Variants in ZNF292 observed in about 807,000 individuals in gnomAD.
ZNF292 encodes zinc finger protein 292, also known as 16 zinc-finger domain protein.
ZNF292 carries 26 observed loss-of-function variants against 217.9 expected under a neutral mutation model. The ratio of observed to expected loss-of-function variants is 0.12; its 90% CI spans 0.09 to 0.17. ZNF292 has a LOEUF of 0.17. Ranked by LOEUF, ZNF292 falls within the 10% of genes least tolerant of loss-of-function variation. The pLI is 1.00. For synonymous variants in ZNF292, 1,257 were observed against 1,124.1 expected (o/e 1.12, Z -2.37); for missense variants, 2,904 against 3,175.2 (o/e 0.91, Z 2.05).
At chr6:87,215,294 TAAAA>T (rs146379041) in intron 1 of ZNF292, among the ~76,000 whole-genome samples, 1 of 152,086 alleles carries the variant, frequency 6.6e-6, no homozygotes, top group African/African-American at 2.4e-5. Context: ...TATTTTTAAT[TAAAA>T]AAACACTATT....
At chr6:87,250,955 T>C (rs1774889285) in intron 7 of ZNF292, among the ~76,000 whole-genome samples, 1 of 152,206 alleles carries the variant, frequency 6.6e-6, no homozygotes, top group Non-Finnish European at 1.5e-5. Context: ...GAGGGTACAT[T>C]GCTTAGTGCA....
At position 87,265,488 on chromosome 6, in the gene ZNF292, G is replaced by A. The variant is rs576402259; in HGVS notation, c.*3687G>A. Among the ~76,000 whole-genome samples the A allele has an allele frequency of 3.3e-5, 5 of 152,084 alleles. No individual in the cohort carries two copies. Among genetic ancestry groups the A allele is most frequent in the Middle Eastern group, 6.8e-3 (2 of 294 alleles). On this transcript the variant is annotated 3_prime_UTR_variant, in exon 8 of 8. Transcript: ENST00000369577. The stretch of plus-strand genomic sequence containing the variant: ...ACCCACCTCCACCTCCCAAAGTGCA[G>A]GTATTACAAGCATGAGCCACCACAC...
chr6:87,217,061 G>GT (rs1772823287), intron 3 of ZNF292, among the ~76,000 whole-genome samples: 2 of 152,086 alleles, frequency 1.3e-5, no homozygotes, highest in East Asian at 3.9e-4. Context: ...TAATTGGTTA[G>GT]TTAAAAAGAA....
At chr6:87,207,239 A>G (rs1004169202) in intron 1 of ZNF292, among the ~76,000 whole-genome samples, 41 of 152,360 alleles carry the variant, frequency 2.7e-4, no homozygotes, top group African/African-American at 9.9e-4. Context: ...TGTCAGAACA[A>G]ATGTGTATAT....
In ZNF292 at chr6:87,255,499, A is replaced by G; in HGVS notation, c.1870A>G (p.Thr624Ala). 6.2e-7 allele frequency: 1 copy of G among 1,613,468 alleles called. No homozygotes were observed. The highest frequency in any genetic ancestry group is 8.5e-7 in the Non-Finnish European group (1 of 1,179,706). Residue 624 changes from threonine (T) to alanine (A), a missense_variant, in exon 8 of 8, where the codon ACT becomes GCT. Physicochemically the swap from Thr to Ala is moderately conservative, Grantham distance 58 (BLOSUM62 0). Transcript: ENST00000369577. Reference protein sequence around the residue: ...KITTTNENQKTNTVAKQEQRP... With the variant: ...KITTTNENQKANTVAKQEQRP... ...CACAACTACCAATGAAAATCAGAAG[A>G]CTAATACTGTGGCTAAACAGGAGCA...
chr6:87,187,484 C>T (rs567745890), intron 1 of ZNF292, among the ~76,000 whole-genome samples: 43 of 151,976 alleles, frequency 2.8e-4, no homozygotes, highest in South Asian at 2.1e-3. Context: ...TTTGGGAGGC[C>T]GAGGTGGGCG....
chr6:87,236,602 TA>T (rs1773916266), intron 5 of ZNF292, among the ~76,000 whole-genome samples: 1 of 152,152 alleles, frequency 6.6e-6, no homozygotes, highest in Non-Finnish European at 1.5e-5. Context: ...TATAGAAGTT[TA>T]AAAACTAAAA....
At chr6:87,208,974 T>A (rs1772361612) in intron 1 of ZNF292, among the ~76,000 whole-genome samples, 1 of 152,192 alleles carries the variant, frequency 6.6e-6, no homozygotes, top group Non-Finnish European at 1.5e-5. Context: ...CTTTTTAAAC[T>A]TCTTTACTGA....
At chr6:87,181,207 C>A (rs1364911642) in intron 1 of ZNF292, among the ~76,000 whole-genome samples, 1 of 152,066 alleles carries the variant, frequency 6.6e-6, no homozygotes, top group Non-Finnish European at 1.5e-5. Flanking sequence ...CCTAGCGTCC[C>A]GGATCACACG....
intron 1 of ZNF292, among the ~76,000 whole-genome samples, chr6:87,164,495 C>T (rs745724724): frequency 3.9e-5 from 6 of 152,158 alleles, no homozygotes; most frequent in Non-Finnish European, 8.8e-5. Flanking sequence ...CTTTAGGGAC[C>T]ATTTCTATAA....
intron 1 of ZNF292, among the ~76,000 whole-genome samples, chr6:87,158,530 C>T (rs759693234): frequency 6.6e-6 from 1 of 152,076 alleles, no homozygotes; most frequent in Non-Finnish European, 1.5e-5. Flanking sequence ...AAAAATTAGC[C>T]AGGCGCTGTG....
In ZNF292 at chr6:87,260,685, A is replaced by G; in HGVS notation, c.7056A>G (p.Glu2352=). Residue 2352 remains glutamate, a synonymous_variant, in exon 8 of 8, where the codon GAA becomes GAG. Transcript: ENST00000369577. ...AGAATGCAAAGATTGTGCAGATTGA[A>G]GAAAATAAGCCTTATTCTCTGAAAC... ...ENKNAKIVQI[E]ENKPYSLKRG... 6.2e-7 allele frequency: 1 copy of G among 1,612,790 alleles called. No homozygotes were observed. The highest frequency in any genetic ancestry group is 2.2e-5 in the East Asian group (1 of 44,880).
intron 7 of ZNF292, among the ~76,000 whole-genome samples, chr6:87,248,461 A>T (rs1345862937): frequency 1.3e-5 from 2 of 152,160 alleles, no homozygotes; most frequent in Admixed American, 6.6e-5. Flanking sequence ...AAAATAAAGT[A>T]GCTGGGCATG....
chr6:87,176,503 C>A (rs970950541), intron 1 of ZNF292, among the ~76,000 whole-genome samples: 3 of 152,166 alleles, frequency 2.0e-5, no homozygotes, highest in Non-Finnish European at 2.9e-5. Context: ...TGTTTTATGG[C>A]CTGTTTCAGG....
In ZNF292 at chr6:87,249,232, T is replaced by C. The variant is rs140638884; in HGVS notation, c.1020+3588T>C. 1,446 of 169,780 alleles carry C rather than the reference T, an allele frequency of 8.5e-3. 18 individuals carry two copies. Among genetic ancestry groups the C allele is most frequent in the African/African-American group, 0.032 (1,359 of 41,868 alleles). The allele number at this position is 169,780 out of a possible 1,614,324, so 10.5% of individuals were successfully genotyped here. On this transcript the variant is annotated intron_variant, in intron 7 of 7. Transcript: ENST00000369577. ...GCTTCAACTTCCCAGGCTTGAGCAA[T>C]GCTGTCACCTCAGCCCCCTAAGTAG...
intron 1 of ZNF292, among the ~76,000 whole-genome samples, chr6:87,209,096 C>G (rs923144734): frequency 5.0e-5 from 5 of 100,824 alleles, no homozygotes; most frequent in African/African-American, 2.7e-4. Flanking sequence ...ATTTTTAGCC[C>G]CACTTTCACC....
intron 1 of ZNF292, among the ~76,000 whole-genome samples, 158 bp downstream of exon 1, chr6:87,155,917 C>T (rs963239910): frequency 6.6e-6 from 1 of 152,234 alleles, no homozygotes; most frequent in Non-Finnish European, 1.5e-5. Context: ...CTTTGTGTGG[C>T]TGCAGTTGTG....
intron 5 of ZNF292, among the ~76,000 whole-genome samples, chr6:87,234,941 T>C (rs1185108009): frequency 2.0e-5 from 3 of 151,976 alleles, no homozygotes; most frequent in Admixed American, 6.6e-5. Context: ...AATAAACCTG[T>C]TGGGTTTCTT....
intron 1 of ZNF292, among the ~76,000 whole-genome samples, chr6:87,192,019 A>T (rs1771835182): frequency 6.6e-6 from 1 of 152,194 alleles, no homozygotes. Flanking sequence ...TCTCATAAAC[A>T]TTTGCTTTGT....
Sources: allele counts gnomAD v4.1 joint callset (sites outside exome capture counted in the v4.1 genomes callset), GRCh38; gene constraint gnomAD v4.1.1; transcripts MANE v1.5; gene names NCBI Gene and HGNC (gene_info 2026-07-23, HGNC 2026-07-21).